The following LRRIQ3 variants were observed in gnomAD, a reference collection of about 807,000 sequenced individuals.
LRRIQ3 encodes the protein leucine-rich repeat and IQ domain-containing protein 3.
In LRRIQ3, 75 loss-of-function variants were observed where a neutral mutation model predicts 59.3. The ratio of observed to expected loss-of-function variants is 1.26; its 90% CI spans 1.05 to 1.53. The LOEUF (loss-of-function observed/expected upper bound fraction) is 1.53, where lower values mean the gene tolerates loss of function less well. LRRIQ3 is among the 40% of genes most tolerant of loss of function. The probability of loss-of-function intolerance (pLI) is 0.00; values close to 1 mark genes in which losing one functional copy is unlikely to be tolerated. For missense variants in LRRIQ3, 831 were observed against 710.0 expected (o/e 1.17, Z -1.94); for synonymous variants, 250 against 231.3 (o/e 1.08, Z -0.73).
intron 6 of LRRIQ3, among the ~76,000 whole-genome samples, chr1:74,059,481 T>G (rs1049885934): frequency 5.3e-5 from 8 of 152,206 alleles, no homozygotes; most frequent in Admixed American, 2.6e-4. Context: ...CCCAGCACCA[T>G]TTTTTGAAAA....
chr1:74,030,248 T>G (rs1653659386), intron 7 of LRRIQ3, among the ~76,000 whole-genome samples: 1 of 151,902 alleles, frequency 6.6e-6, no homozygotes, highest in Admixed American at 6.6e-5. Context: ...ATGACTTTCT[T>G]GGAAAAAACT....
chr1:74,116,134 A>G (rs1043267351), intron 4 of LRRIQ3, among the ~76,000 whole-genome samples: 8 of 152,068 alleles, frequency 5.3e-5, no homozygotes, highest in South Asian at 2.1e-4. Context: ...GAATTCTCCA[A>G]TATAGACGTT....
chr1:74,095,470 G>A (rs553776117), intron 5 of LRRIQ3, among the ~76,000 whole-genome samples: 51 of 151,940 alleles, frequency 3.4e-4, no homozygotes, highest in African/African-American at 1.2e-3. Context: ...ACAAAATTTT[G>A]TCTTTGAAAA....
At chr1:74,125,498 C>T (rs1646922656) in intron 4 of LRRIQ3, among the ~76,000 whole-genome samples, 2 of 151,688 alleles carry the variant, frequency 1.3e-5, no homozygotes, top group East Asian at 1.9e-4. Flanking sequence ...CTTTAGTACA[C>T]AGCTTTTATT....
chr1:74,170,315 C>A (rs1649245697), intron 3 of LRRIQ3, among the ~76,000 whole-genome samples: 1 of 152,050 alleles, frequency 6.6e-6, no homozygotes, highest in South Asian at 2.1e-4. Context: ...TCAGATCTTA[C>A]CTTTAAGATT....
intron 1 of LRRIQ3, among the ~76,000 whole-genome samples, chr1:74,188,945 T>G (rs1650581256): frequency 6.6e-6 from 1 of 152,210 alleles, no homozygotes. Flanking sequence ...ATTATTTATG[T>G]AGTGTAACAA....
chr1:74,120,580 C>A (rs1431283731), intron 4 of LRRIQ3, among the ~76,000 whole-genome samples: 5 of 151,994 alleles, frequency 3.3e-5, no homozygotes, highest in African/African-American at 1.2e-4. Flanking sequence ...CTACTAATCT[C>A]TTTGATTTAC....
intron 6 of LRRIQ3, among the ~76,000 whole-genome samples, chr1:74,068,074 G>A (rs1654917542): frequency 6.6e-6 from 1 of 151,916 alleles, no homozygotes; most frequent in Admixed American, 6.6e-5. Context: ...AAGTTATCAC[G>A]GGGAAATTCT....
At chr1:74,039,503 A>G (rs958141631) in intron 7 of LRRIQ3, among the ~76,000 whole-genome samples, 1 of 152,184 alleles carries the variant, frequency 6.6e-6, no homozygotes, top group Admixed American at 6.5e-5. Flanking sequence ...CCATGAGAAG[A>G]TCAACCCCAA....
intron 5 of LRRIQ3, among the ~76,000 whole-genome samples, chr1:74,085,337 AAAAT>A (rs1557607985): frequency 1.3e-5 from 2 of 151,344 alleles, no homozygotes; most frequent in African/African-American, 4.8e-5. Context: ...AAAAAAAAAA[AAAAT>A]AAAACACAAC....
At chr1:74,066,570 G>A (rs972980300) in intron 6 of LRRIQ3, among the ~76,000 whole-genome samples, 10 of 152,098 alleles carry the variant, frequency 6.6e-5, no homozygotes, top group Admixed American at 3.3e-4. Context: ...TTCTGTGCTA[G>A]ATATTTTACT....
chr1:74,102,410 A>C (rs1277573713), intron 5 of LRRIQ3, among the ~76,000 whole-genome samples: 1 of 151,992 alleles, frequency 6.6e-6, no homozygotes, highest in African/African-American at 2.4e-5. Context: ...TGCAAATCAA[A>C]ACTGCAATAA....
chr1:74,193,259 T>C (rs1054824908), intron 1 of LRRIQ3, among the ~76,000 whole-genome samples: 4 of 152,148 alleles, frequency 2.6e-5, no homozygotes, highest in African/African-American at 4.8e-5. Flanking sequence ...AAATTAAGTA[T>C]AGCAACACGT....
intron 4 of LRRIQ3, among the ~76,000 whole-genome samples, chr1:74,130,810 C>T (rs1349757550): frequency 2.6e-5 from 4 of 151,932 alleles, no homozygotes; most frequent in East Asian, 1.9e-4. Flanking sequence ...CCTAACATCA[C>T]AATTAAAAGA....
At chr1:74,196,553 T>G (rs1219011669) in intron 1 of LRRIQ3, among the ~76,000 whole-genome samples, 4 of 152,100 alleles carry the variant, frequency 2.6e-5, no homozygotes, top group African/African-American at 9.7e-5. Context: ...TACACATGTC[T>G]CTTTATTCCA....
At chr1:74,055,108 A>G (rs1654486471) in intron 6 of LRRIQ3, among the ~76,000 whole-genome samples, 1 of 147,922 alleles carries the variant, frequency 6.8e-6, no homozygotes. Context: ...GAATAACACA[A>G]CCATCATGAC....
At chr1:74,103,791 C>T (rs902516379) in intron 5 of LRRIQ3, among the ~76,000 whole-genome samples, 4 of 151,004 alleles carry the variant, frequency 2.6e-5, no homozygotes, top group Non-Finnish European at 4.4e-5. Flanking sequence ...TGTCCTTCCC[C>T]CCCCCGCCAT....
chr1:74,100,538 A>G (rs1028860115), intron 5 of LRRIQ3, among the ~76,000 whole-genome samples: 5 of 152,178 alleles, frequency 3.3e-5, no homozygotes, highest in Admixed American at 2.0e-4. Flanking sequence ...GACTTTCTTC[A>G]CAGAATTGGA....
intron 6 of LRRIQ3, among the ~76,000 whole-genome samples, chr1:74,046,460 T>C (rs112358119): frequency 0.02 from 3,120 of 152,196 alleles, 85 homozygotes; most frequent in African/African-American, 0.067. Flanking sequence ...TAACTCAAGA[T>C]GGATTAAAGA....
Sources: gnomAD v4.1 joint callset for allele counts (sites outside exome capture counted in the v4.1 genomes callset) on GRCh38, gnomAD v4.1.1 for gene constraint, MANE v1.5 for transcripts, NCBI Gene and HGNC (gene_info 2026-07-23, HGNC 2026-07-21) for gene names.